The following CHRDL1 variants were observed in gnomAD, a reference collection of about 807,000 sequenced individuals.
CHRDL1 encodes the protein chordin-like protein 1.
A neutral mutation model predicts 40.9 loss-of-function variants in CHRDL1; 19 were observed. The ratio of observed to expected loss-of-function variants is 0.46; its 90% CI spans 0.32 to 0.68. The LOEUF is 0.68. Ranked by LOEUF, CHRDL1 falls within the 30% of genes least tolerant of loss-of-function variation. The pLI is 0.03. For missense variants in CHRDL1, 329 were observed against 352.1 expected, an observed-to-expected ratio of 0.93 and a Z score of 0.53; for synonymous variants, 136 against 123.4, an observed-to-expected ratio of 1.10 and a Z score of -0.68.
chrX:110,676,441 C>A, intron 11 of CHRDL1, 80 bp from the exon 12 acceptor site: 1 of 914,194 alleles, frequency 1.1e-6, no homozygotes, highest in South Asian at 2.6e-5. Flanking sequence ...CCAATATACC[C>A]CATGCTTACC....
chrX:110,783,514 A>T (rs1351982476), intron 2 of CHRDL1, among the ~76,000 whole-genome samples: 3 of 112,296 alleles, frequency 2.7e-5, no homozygotes, highest in Admixed American at 9.4e-5. Context: ...CCAAGGAGAG[A>T]ATTTAATGAG....
chrX:110,707,238 C>G (rs913218119), intron 6 of CHRDL1, among the ~76,000 whole-genome samples: 1 of 111,526 alleles, frequency 9.0e-6, no homozygotes, highest in Non-Finnish European at 1.9e-5. Context: ...TGATGATATA[C>G]AACAATACAA....
intron 6 of CHRDL1, among the ~76,000 whole-genome samples, chrX:110,710,708 G>T (rs2070732586): frequency 8.9e-6 from 1 of 112,100 alleles, no homozygotes; most frequent in Admixed American, 9.5e-5. Context: ...AAGAGATGGA[G>T]AGAAAGCAAA....
intron 8 of CHRDL1, among the ~76,000 whole-genome samples, chrX:110,693,436 T>C (rs945215269): frequency 3.6e-5 from 4 of 111,623 alleles, no homozygotes; most frequent in Admixed American, 9.5e-5. Flanking sequence ...ACTGTAACCC[T>C]GAACTCCTGG....
intron 6 of CHRDL1, among the ~76,000 whole-genome samples, chrX:110,713,408 A>G (rs1446909483): frequency 8.9e-6 from 1 of 112,149 alleles, no homozygotes; most frequent in East Asian, 2.8e-4. Context: ...AGACACTTTA[A>G]GCCTAGAGTG....
intron 8 of CHRDL1, among the ~76,000 whole-genome samples, chrX:110,689,448 A>G (rs181711726): frequency 2.2e-5 from 1 of 46,070 alleles, no homozygotes; most frequent in Admixed American, 2.2e-4. Context: ...ATCTATATAT[A>G]TCTATATATC....
At chrX:110,720,461 T>C (rs1490288315) in intron 5 of CHRDL1, among the ~76,000 whole-genome samples, 1 of 112,094 alleles carries the variant, frequency 8.9e-6, no homozygotes, top group Non-Finnish European at 1.9e-5. Context: ...TGGTTACATC[T>C]GTCTTTGCAA....
chrX:110,745,937 G>T (rs1369595559), intron 4 of CHRDL1, among the ~76,000 whole-genome samples: 1 of 112,070 alleles, frequency 8.9e-6, no homozygotes, highest in Non-Finnish European at 1.9e-5. Context: ...TCTCAATAGA[G>T]CCACCACTGG....
At chrX:110,701,497 T>G (rs1340477139) in intron 6 of CHRDL1, among the ~76,000 whole-genome samples, 3 of 112,008 alleles carry the variant, frequency 2.7e-5, no homozygotes, top group African/African-American at 9.7e-5. Flanking sequence ...AATTTTCTAT[T>G]CTGATTACTC....
chrX:110,695,694 CCCCTGACCAT>C (rs2070371702), intron 7 of CHRDL1, among the ~76,000 whole-genome samples: 1 of 79,201 alleles, frequency 1.3e-5, no homozygotes, highest in Non-Finnish European at 2.4e-5. Context: ...GTTATGGGGT[CCCCTGACCAT>C]ATCCCATAAA....
At chrX:110,766,120 G>A (rs2089656232) in intron 2 of CHRDL1, among the ~76,000 whole-genome samples, 1 of 111,636 alleles carries the variant, frequency 9.0e-6, no homozygotes, top group South Asian at 3.7e-4. Context: ...ACAAAATCAA[G>A]ATAGAAATTT....
chrX:110,745,773 G>C (rs2089235818), intron 4 of CHRDL1, among the ~76,000 whole-genome samples: 1 of 111,931 alleles, frequency 8.9e-6, no homozygotes. Context: ...ACCATACATG[G>C]GCTATGTCTC....
chrX:110,746,222 CTG>C (rs2089248901), intron 4 of CHRDL1, among the ~76,000 whole-genome samples: 1 of 111,221 alleles, frequency 9.0e-6, no homozygotes, highest in Non-Finnish European at 1.9e-5. Context: ...TACGGACACA[CTG>C]TGCTCCTGCA....
intron 2 of CHRDL1, among the ~76,000 whole-genome samples, chrX:110,786,378 A>G (rs2090017834): frequency 8.9e-6 from 1 of 111,925 alleles, no homozygotes; most frequent in Admixed American, 9.5e-5. Flanking sequence ...TAAATCTTAA[A>G]TGGATAAAAT....
At chrX:110,792,469 G>A (rs370335104) in intron 1 of CHRDL1, among the ~76,000 whole-genome samples, 1 of 112,207 alleles carries the variant, frequency 8.9e-6, no homozygotes, top group East Asian at 2.8e-4. Context: ...GCAAGTTATA[G>A]GAAAATGAAA....
chrX:110,700,964 TGGAAAATAAAA>T (rs942603585), intron 6 of CHRDL1, among the ~76,000 whole-genome samples: 2 of 112,198 alleles, frequency 1.8e-5, no homozygotes, highest in East Asian at 5.6e-4. Context: ...ATGCAGAATT[TGGAAAATAAAA>T]GGAAAATAAT....
intron 9 of CHRDL1, among the ~76,000 whole-genome samples, chrX:110,682,544 A>G (rs1283889300): frequency 8.9e-6 from 1 of 112,277 alleles, no homozygotes; most frequent in Admixed American, 9.5e-5. Flanking sequence ...TGCGTACTTA[A>G]AGCATACACT....
rs755913727 is a variant in CHRDL1, at chrX:110,785,539, A to C, written c.94+6549T>G. ...CACTATGCAGAATATCCTTGTAACA[A>C]AACCGCACTTGTCTCCCCTAAGTTT... On this transcript the variant is annotated intron_variant, in intron 2 of 11. Coordinates refer to ENST00000372042, the MANE Select transcript of CHRDL1 (RefSeq NM_001143981.2). 3.0e-3 allele frequency among the ~76,000 whole-genome samples: 334 copies of C among 111,583 alleles called. 2 individuals carry two copies. Among genetic ancestry groups the C allele is most frequent in the Admixed American group, 6.2e-3 (65 of 10,464 alleles).
At chrX:110,784,125 G>A (rs542584712) in intron 2 of CHRDL1, among the ~76,000 whole-genome samples, 9 of 111,636 alleles carry the variant, frequency 8.1e-5, no homozygotes, top group East Asian at 2.8e-4. Flanking sequence ...GCATAAGTAC[G>A]TCTCTTCTGT....
Sources: allele counts gnomAD v4.1 joint callset (sites outside exome capture counted in the v4.1 genomes callset), GRCh38; gene constraint gnomAD v4.1.1; transcripts MANE v1.5; gene names NCBI Gene and HGNC (gene_info 2026-07-23, HGNC 2026-07-21).